TAOK2: variants seen among roughly 807,000 people sequenced by gnomAD.
TAOK2 encodes serine/threonine-protein kinase TAO2.
Under a neutral mutation model 122.5 loss-of-function variants are expected in TAOK2, and 42 were observed. That is an observed-to-expected ratio of 0.34 (90% CI 0.27 to 0.44). The LOEUF is 0.44. Among genes scored for constraint, TAOK2 ranks in the 20% least tolerant of loss-of-function variants. The pLI, the probability that TAOK2 is intolerant of heterozygous loss-of-function variation, is 1.00. For missense variants in TAOK2, 1,264 were observed against 1,644.9 expected, an observed-to-expected ratio of 0.77 and a Z score of 4.01; for synonymous variants, 704 against 677.6, an observed-to-expected ratio of 1.04 and a Z score of -0.61.
At chr16:29,990,571 G>A (rs1384845596), downstream of TAOK2, 3 of 406,762 alleles carry the variant, frequency 7.4e-6, no homozygotes, top group Non-Finnish European at 1.3e-5. Flanking sequence ...CTATCACAAC[G>A]CTTCCGTGAA....
downstream of TAOK2, chr16:29,991,678 C>G (rs550002622): frequency 1.7e-4 from 223 of 1,308,700 alleles, 5 homozygotes; most frequent in South Asian, 4.0e-3. This position sits in a 1 kb window ranked among gnomAD's most constrained non-coding sequence, Gnocchi z 5.6. Flanking sequence ...AAGATGTAGG[C>G]TCCAGCTCCC....
chr16:29,978,822 C>T lies in TAOK2; in HGVS notation c.330C>T (p.Gly110=), dbSNP rs557980258. The change falls in exon 5 of 16, where the codon GGC becomes GGT. Residue 110 remains glycine (G), a synonymous_variant. Coordinates refer to ENST00000308893, the MANE Select transcript of TAOK2 (RefSeq NM_016151.4). ...TAWLVMEYCL[G]SASDLLEVHK... is the part of the protein sequence containing the mutation. ...AGCTGGTAATGGAGTATTGCCTGGGCTCAGCTTCTGACCTTCTAGAAGGTA... is the reference window on the plus strand; with the variant it reads ...AGCTGGTAATGGAGTATTGCCTGGGTTCAGCTTCTGACCTTCTAGAAGGTA... 2 of 1,613,928 alleles carry T rather than the reference C, an allele frequency of 1.2e-6. No individual in the cohort carries two copies. Among genetic ancestry groups the T allele is most frequent in the East Asian group, 2.2e-5 (1 of 44,892 alleles).
At chr16:29,974,802 GC>G (rs1163756417) in intron 1 of TAOK2, among the ~76,000 whole-genome samples, 154 bp downstream of exon 1, 3 of 152,106 alleles carry the variant, frequency 2.0e-5, no homozygotes, top group Non-Finnish European at 2.9e-5. Context: ...GCCTTCTGTT[GC>G]CACCCCCTTC....
In TAOK2 at chr16:29,987,243, G is replaced by A; in HGVS notation, c.2971G>A (p.Ala991Thr). The A allele has an allele frequency of 6.5e-7, 1 of 1,534,372 alleles. No homozygotes were observed. The highest frequency in any genetic ancestry group is 8.7e-7 in the Non-Finnish European group (1 of 1,146,080). ...GGGGLQAALLALEVGLVGLGA... is the reference protein window; with the variant it reads ...GGGGLQAALLTLEVGLVGLGA... ...GGGTGGCCTGCAGGCAGCGCTGCTGGCCCTTGAGGTGGGGCTGGTGGGTCT... is the reference window on the plus strand; with the variant it reads ...GGGTGGCCTGCAGGCAGCGCTGCTGACCCTTGAGGTGGGGCTGGTGGGTCT... The change falls in exon 16 of 16, where the codon GCC becomes ACC. Residue 991 changes from alanine to threonine, a missense_variant. Coordinates refer to ENST00000308893, the MANE Select transcript of TAOK2 (RefSeq NM_016151.4).
At position 29,986,553 on chromosome 16, in the gene TAOK2, G is replaced by A; in HGVS notation, c.2281G>A (p.Ala761Thr). The change falls in exon 16 of 16, where the codon GCT becomes ACT. Residue 761 changes from alanine (A) to threonine (T), a missense_variant. By Grantham distance (58) the Ala-to-Thr change is moderately conservative. Around this residue, in one of 4 missense-constraint regions of TAOK2, gnomAD observed 824 missense variants for 908.7 expected, o/e 0.91. Transcript: ENST00000308893. The surrounding 1 kb of genome is among the most constrained non-coding windows in gnomAD (Gnocchi z 4.2). ...PPGLPLPIPGALGPPNTGTPI... is the reference protein window; with the variant it reads ...PPGLPLPIPGTLGPPNTGTPI... Reference sequence around the variant, plus strand: ...GGGCCTTCCACTCCCCATTCCTGGGGCTCTGGGCCCACCCAACACAGGCAC... The same window carrying A: ...GGGCCTTCCACTCCCCATTCCTGGGACTCTGGGCCCACCCAACACAGGCAC... 2 of 1,613,880 alleles carry A rather than the reference G, an allele frequency of 1.2e-6. No homozygotes were observed. Among genetic ancestry groups the A allele is most frequent in the Non-Finnish European group, 1.7e-6 (2 of 1,179,920 alleles).
rs1273066702 is a variant in TAOK2, at chr16:29,982,872, C to T, written c.970C>T (p.Pro324Ser). 1 of 1,613,918 alleles carries T rather than the reference C, an allele frequency of 6.2e-7. No homozygotes were observed. The highest frequency in any genetic ancestry group is 8.5e-7 in the Non-Finnish European group (1 of 1,179,980). ...CCTGTTCCAAGAGGCACCCAACGGC[C>T]CTGGTGCCGAGGCCCCAGAGGAGGA... is the stretch of plus-strand genomic sequence containing the variant. ...KILFQEAPNG[P>S]GAEAPEEEEE... The change falls in exon 11 of 16, where the codon CCT becomes TCT. Residue 324 changes from proline to serine, a missense_variant. Transcript: ENST00000308893.
At chr16:29,982,464 C>T (rs2069647527) in intron 10 of TAOK2, among the ~76,000 whole-genome samples, 1 of 152,240 alleles carries the variant, frequency 6.6e-6, no homozygotes, top group African/African-American at 2.4e-5. Flanking sequence ...TCCAAGGTCA[C>T]ATAGCCCTTT....
chr16:29,985,398 G>A lies in TAOK2; in HGVS notation c.1608G>A (p.Gly536=), dbSNP rs2069753389. 6.2e-7 allele frequency: 1 copy of A among 1,609,182 alleles called. No individual in the cohort carries two copies. The highest frequency in any genetic ancestry group is 1.1e-5 in the South Asian group (1 of 90,634). The change falls in exon 14 of 16, where the codon GGG becomes GGA. Residue 536 remains glycine, a synonymous_variant. Transcript: ENST00000308893. This position sits in a 1 kb window ranked among gnomAD's most constrained non-coding sequence, Gnocchi z 6.9. ...RELEAQRAGF[G]AEAEKLARRH... ...TTGAGGCGCAGCGGGCTGGCTTTGG[G>A]GCAGAGGCAGAAAAGCTGGCCCGGC...
rs2150887370 is a variant in TAOK2 at position 29,979,940 on chromosome 16, C to T, written c.655+432C>T. ...CAGGGGACTTGACCTAGTTTAGGGG[C>T]TGAAGAAGGCCTCCTTGTAGGAGAA... On this transcript the variant is annotated intron_variant, in intron 8 of 15. Transcript: ENST00000308893. This position sits in a 1 kb window ranked among gnomAD's most constrained non-coding sequence, Gnocchi z 4.1. Among the ~76,000 whole-genome samples, 1 of 152,290 alleles carries T rather than the reference C, an allele frequency of 6.6e-6. No individual in the cohort carries two copies. The highest frequency in any genetic ancestry group is 2.1e-4 in the South Asian group (1 of 4,828).
At position 29,977,970 on chromosome 16, in the gene TAOK2, C is replaced by T; in HGVS notation, c.132+66C>T. On this transcript the variant is annotated intron_variant, in intron 2 of 15. Transcript: ENST00000308893. The stretch of plus-strand genomic sequence containing the variant: ...CTTCCTATCCCTGTGGACTTCCCAA[C>T]AGCCCTTGCACACTACTCCATCACA... 8 of 1,612,558 alleles carry T rather than the reference C, an allele frequency of 5.0e-6. No homozygotes were observed. In the South Asian group the frequency reaches 7.7e-5, roughly 16 times the overall value.
Position 29,988,009 on chromosome 16 carries a change from A to T in TAOK2, c.*29A>T. 6.6e-7 allele frequency: 1 copy of T among 1,508,184 alleles called. No homozygotes were observed. The highest frequency in any genetic ancestry group is 1.3e-5 in the South Asian group (1 of 76,348). 93.4% of individuals were successfully genotyped at this position (1,508,184 alleles called of 1,614,324 possible). A position where few individuals can be genotyped will look rare whatever the true frequency, so the allele number is the denominator to read the frequency against. On this transcript the variant is annotated 3_prime_UTR_variant, in exon 16 of 16. Coordinates refer to ENST00000308893, the MANE Select transcript of TAOK2 (RefSeq NM_016151.4). ...ACTCCAGCCCTTCCAGCCCAAATCT[A>T]GAGCATTGAGCACTTTATCTCCCAC...
In TAOK2 at chr16:29,979,138, G is replaced by T; in HGVS notation, c.450-57G>T. The T allele has an allele frequency of 6.2e-7, 1 of 1,613,044 alleles. No individual in the cohort carries two copies. On this transcript the variant is annotated intron_variant, in intron 6 of 15. Coordinates refer to ENST00000308893, the MANE Select transcript of TAOK2 (RefSeq NM_016151.4). The surrounding 1 kb of genome is among the most constrained non-coding windows in gnomAD (Gnocchi z 4.1). Reference sequence around the variant, plus strand: ...GCACCACCTGTCACTTAGCTGGGCTGCCCCTGCCTAGCTTTCTTGAGACAC... The same window carrying T: ...GCACCACCTGTCACTTAGCTGGGCTTCCCCTGCCTAGCTTTCTTGAGACAC...
At chr16:29,977,975 C>G in intron 2 of TAOK2, 71 bp downstream of exon 2, 1 of 1,612,304 alleles carries the variant, frequency 6.2e-7, no homozygotes, top group East Asian at 2.2e-5. Context: ...CCCAACAGCC[C>G]TTGCACACTA....
Position 29,983,535 on chromosome 16 carries a change from G to T in TAOK2, c.1293G>T (p.Gln431His). The T allele has an allele frequency of 6.2e-7, 1 of 1,613,370 alleles. No homozygotes were observed. The highest frequency in any genetic ancestry group is 1.7e-5 in the Admixed American group (1 of 59,960). The change falls in exon 13 of 16, where the codon CAG becomes CAT. Residue 431 changes from glutamine (Q) to histidine (H), a missense_variant. Physicochemically the swap from Gln to His is conservative, Grantham distance 24 (BLOSUM62 0). Around this residue, in one of 4 missense-constraint regions of TAOK2, gnomAD observed 122 missense variants for 116.7 expected, o/e 1.04. Coordinates refer to ENST00000308893, the MANE Select transcript of TAOK2 (RefSeq NM_016151.4). Reference protein sequence around the residue: ...GSDNLYDDPYQPEITPSPLQP... With the variant: ...GSDNLYDDPYHPEITPSPLQP... ...ACAACCTATATGATGACCCCTACCA[G>T]CCAGAGATAACCCCCAGCCCTCTCC...
At chr16:29,989,498 C>G (rs1185225293), downstream of TAOK2, 6 of 1,579,498 alleles carry the variant, frequency 3.8e-6, no homozygotes, top group Non-Finnish European at 5.2e-6. Flanking sequence ...TCTCTTCTCC[C>G]CATTTCCCCT....
chr16:29,987,362 G>T lies in TAOK2; in HGVS notation c.3090G>T (p.Leu1030=). The T allele has an allele frequency of 6.3e-7, 1 of 1,592,452 alleles. No homozygotes were observed. The highest frequency in any genetic ancestry group is 8.6e-7 in the Non-Finnish European group (1 of 1,168,138). Residue 1030 remains leucine (L), a synonymous_variant, in exon 16 of 16, where the codon CTG becomes CTT. Coordinates refer to ENST00000308893, the MANE Select transcript of TAOK2 (RefSeq NM_016151.4). The part of the protein sequence containing the change: ...LAQGTALGAV[L]GLSWRRGLMG... ...AGGGTACCGCACTGGGGGCCGTCCT[G>T]GGCCTGAGCTGGCGCCGAGGCCTCA... is the stretch of plus-strand genomic sequence containing the variant.
downstream of TAOK2, chr16:29,992,195 T>G (rs2069988391): frequency 6.6e-6 from 1 of 151,430 alleles, no homozygotes; most frequent in African/African-American, 2.4e-5. Flanking sequence ...TGGGAGCCCC[T>G]CTCAGCTGTG....
intron 13 of TAOK2, among the ~76,000 whole-genome samples, chr16:29,984,823 G>A (rs1405304604): frequency 6.6e-6 from 1 of 152,144 alleles, no homozygotes; most frequent in African/African-American, 2.4e-5. Flanking sequence ...CCCCTATGAG[G>A]AGGTATTATT....
Position 29,988,184 on chromosome 16 carries a change from C to T in TAOK2, c.*204C>T. 7.0e-7 allele frequency: 1 copy of T among 1,432,532 alleles called. No homozygotes were observed. Among genetic ancestry groups the T allele is most frequent in the Non-Finnish European group, 9.1e-7 (1 of 1,098,772 alleles). The allele number at this position is 1,432,532 out of a possible 1,614,324, so 88.7% of individuals were successfully genotyped here. ...GCAGTCACTCTGTGTTCTCCTGGCG[C>T]TCCTCCCCTAAGTTATTGCTGTTCG... On this transcript the variant is annotated 3_prime_UTR_variant, in exon 16 of 16. Coordinates refer to ENST00000308893, the MANE Select transcript of TAOK2 (RefSeq NM_016151.4).
Sources: gnomAD v4.1 joint callset for allele counts (sites outside exome capture counted in the v4.1 genomes callset) on GRCh38, gnomAD v4.1.1 for gene constraint, gnomAD v4.1.1 regional missense constraint, Gnocchi (gnomAD v3.1) non-coding constraint, MANE v1.5 for transcripts, NCBI Gene and HGNC (gene_info 2026-07-23, HGNC 2026-07-21) for gene names.